The following GGA3 variants were observed in gnomAD, a reference collection of about 807,000 sequenced individuals.
The protein encoded by GGA3 is golgi associated, gamma adaptin ear containing, ARF binding protein 3, also known as ADP-ribosylation factor-binding protein GGA3.
Under a neutral mutation model 77.5 loss-of-function variants are expected in GGA3, and 57 were observed. That is an observed-to-expected ratio of 0.74 (90% CI 0.59 to 0.92). The LOEUF (loss-of-function observed/expected upper bound fraction) is 0.92, where lower values mean the gene tolerates loss of function less well. Ranked by LOEUF, GGA3 falls within the 40% of genes least tolerant of loss-of-function variation. GGA3 has a pLI of 0.00. For missense variants in GGA3, 970 were observed against 914.9 expected, an observed-to-expected ratio of 1.06 and a Z score of -0.78; for synonymous variants, 416 against 383.7, an observed-to-expected ratio of 1.08 and a Z score of -0.98.
rs201115516 is a variant in GGA3 at position 75,242,349 on chromosome 17, C to T, written c.734G>A (p.Arg245Lys). 7.1e-5 allele frequency: 114 copies of T among 1,614,120 alleles called. No homozygotes were observed. Among genetic ancestry groups the T allele is most frequent in the Middle Eastern group, 1.6e-4 (1 of 6,082 alleles). Residue 245 changes from arginine to lysine, a missense_variant, in exon 8 of 17, where the codon AGA (arginine) becomes AAA (lysine). By Grantham distance (26) the Arg-to-Lys change is conservative (BLOSUM62 2). Coordinates refer to ENST00000537686, the MANE Select transcript of GGA3 (RefSeq NM_138619.4). ...CGGCGGTCCCACCTTCATCAGCTCT[C>T]TGTCCCCGTCCGAAGAGTCCTCCTG... is the stretch of plus-strand genomic sequence containing the variant. ...YSQEDSSDGD[R>K]ELMKELFDQC...
chr17:75,241,603 T>C lies in GGA3; in HGVS notation c.829+12A>G. 6 of 1,613,298 alleles carry C rather than the reference T, an allele frequency of 3.7e-6. No individual in the cohort carries two copies. Among genetic ancestry groups the C allele is most frequent in the Non-Finnish European group, 4.2e-6 (5 of 1,179,232 alleles). Reference sequence around the variant, plus strand: ...TGCCTGGCTTATCCCTGACCGTCGCTCTTTCACTCACCCAAACTGTTATCA... The same window carrying C: ...TGCCTGGCTTATCCCTGACCGTCGCCCTTTCACTCACCCAAACTGTTATCA... On this transcript the variant is annotated intron_variant, in intron 9 of 16. Transcript: ENST00000537686.
chr17:75,246,386 G>T, intron 3 of GGA3, 123 bp downstream of exon 3: 1 of 684,096 alleles, frequency 1.5e-6, no homozygotes, highest in Non-Finnish European at 2.7e-6. Context: ...GATCTATCTA[G>T]TCTGTATCAA....
chr17:75,255,888 AC>A (rs2077134870), intron 1 of GGA3, among the ~76,000 whole-genome samples: 1 of 152,110 alleles, frequency 6.6e-6, no homozygotes, highest in South Asian at 2.1e-4. Context: ...ACTTGGACTG[AC>A]CCTGACATCC....
chr17:75,252,894 T>C (rs899321914), intron 1 of GGA3, among the ~76,000 whole-genome samples: 40 of 152,184 alleles, frequency 2.6e-4, no homozygotes, highest in Admixed American at 1.3e-4. Flanking sequence ...GCTCTTAACT[T>C]CACCGCCTAT....
At position 75,242,438 on chromosome 17, in the gene GGA3, C is replaced by A. The variant is rs1166034415; in HGVS notation, c.645G>T (p.Leu215=). 1.9e-6 allele frequency: 3 copies of A among 1,614,130 alleles called. No individual in the cohort carries two copies. The East Asian group carries it at 6.7e-5, about 36-fold the overall frequency. ...EARIQKVTKR[L]HTLEEVNNNV... ...TGTTGTTAACTTCCTCTAACGTGTG[C>A]AGACGCTTGGTCACCTTCTGGATCC... The change falls in exon 8 of 17, where the codon CTG becomes CTT. Residue 215 remains leucine (L), a synonymous_variant. Transcript: ENST00000537686.
intron 1 of GGA3, among the ~76,000 whole-genome samples, chr17:75,254,579 T>A (rs1284763237): frequency 6.6e-6 from 1 of 152,158 alleles, no homozygotes; most frequent in Non-Finnish European, 1.5e-5. Flanking sequence ...AATATACGTT[T>A]TATTACCCAA....
chr17:75,244,481 G>A, intron 4 of GGA3, 138 bp downstream of exon 4: 2 of 697,024 alleles, frequency 2.9e-6, no homozygotes, highest in South Asian at 3.3e-5. Flanking sequence ...TACCTCCAGG[G>A]CCTAGCTCTC....
At chr17:75,255,952 C>T (rs2077137703) in intron 1 of GGA3, among the ~76,000 whole-genome samples, 1 of 151,706 alleles carries the variant, frequency 6.6e-6, no homozygotes, top group South Asian at 2.1e-4. Context: ...TCACAGACAG[C>T]CCCCATTACT....
upstream of GGA3, chr17:75,262,281 C>T (rs1567815205): frequency 1.5e-6 from 1 of 656,178 alleles, no homozygotes. Context: ...CCCATCCTTA[C>T]CGTTAGCACT....
upstream of GGA3, chr17:75,262,101 G>A: frequency 1.6e-6 from 2 of 1,240,180 alleles, no homozygotes; most frequent in Non-Finnish European, 2.3e-6. Context: ...CTGGATTCAA[G>A]CTTCTAAGTT....
At chr17:75,243,191 G>A in intron 5 of GGA3, 25 bp from the exon 6 acceptor site, 1 of 1,530,060 alleles carries the variant, frequency 6.5e-7, no homozygotes, top group Non-Finnish European at 9.0e-7. Flanking sequence ...GGCAGCACGT[G>A]CACTCAGGCT....
Position 75,257,289 on chromosome 17 carries a change from C to A in GGA3, c.40+4259G>T, listed in dbSNP as rs1189755246. Among the ~76,000 whole-genome samples, 8 of 13,762 alleles carry A rather than the reference C, an allele frequency of 5.8e-4. No homozygotes were observed. In the Non-Finnish European group the frequency reaches 6.8e-3, roughly 12 times the overall value. The allele number at this position is 13,762 out of a possible 152,430, so 9.0% of individuals were successfully genotyped here. A position where few individuals can be genotyped will look rare whatever the true frequency, so the allele number is the denominator to read the frequency against. On this transcript the variant is annotated intron_variant, in intron 1 of 16. Transcript: ENST00000537686. ...CCAACTTAGACTGTGCCCCCCCCCC[C>A]AAAAAAAACCTGTCATCATCCCTAC...
At position 75,242,456 on chromosome 17, in the gene GGA3, C is replaced by T. The variant is rs1280610232; in HGVS notation, c.627G>A (p.Gln209=). The T allele has an allele frequency of 1.2e-6, 2 of 1,614,194 alleles. No homozygotes were observed. The highest frequency in any genetic ancestry group is 3.3e-5 in the Admixed American group (2 of 60,026). ...ACGTGTGCAGACGCTTGGTCACCTT[C>T]TGGATCCGTGCCTCGTCCTGCCCCA... ...SMVKEDEARI[Q]KVTKRLHTLE... is the part of the protein sequence containing the mutation. The change falls in exon 8 of 17, where the codon CAG becomes CAA. Residue 209 remains glutamine (Q), a synonymous_variant. Coordinates refer to ENST00000537686, the MANE Select transcript of GGA3 (RefSeq NM_138619.4).
rs1300402494 is a variant in GGA3 at position 75,237,562 on chromosome 17, A to G, written c.*717T>C. 1 of 1,535,696 alleles carries G rather than the reference A, an allele frequency of 6.5e-7. No individual in the cohort carries two copies. Among genetic ancestry groups the G allele is most frequent in the East Asian group, 2.4e-5 (1 of 40,900 alleles). ...AGAAGGGGAAATACTGGCTCTCTTC[A>G]TTTTCCTTCCTATCCCTAGTTGGGC... On this transcript the variant is annotated 3_prime_UTR_variant, in exon 17 of 17. Coordinates refer to ENST00000537686, the MANE Select transcript of GGA3 (RefSeq NM_138619.4).
At chr17:75,246,818 GGACAAGTGTT>G (rs2076774644) in intron 1 of GGA3, 22 bp from the exon 2 acceptor site, 1 of 1,583,880 alleles carries the variant, frequency 6.3e-7, no homozygotes, top group Non-Finnish European at 8.6e-7. Context: ...ACAAAGAAGA[GGACAAGTGTT>G]AGGAAGAGCA....
At chr17:75,244,840 C>G (rs373096101) in intron 3 of GGA3, 123 bp from the exon 4 acceptor site, 3 of 701,220 alleles carry the variant, frequency 4.3e-6, no homozygotes, top group Middle Eastern at 3.5e-4. Context: ...GAGCTCATCA[C>G]GAAAAGCAGT....
chr17:75,242,428 C>G lies in GGA3; in HGVS notation c.655G>C (p.Glu219Gln), dbSNP rs78338345. Residue 219 changes from glutamate (E) to glutamine (Q), a missense_variant, in exon 8 of 17, where the codon GAG becomes CAG. Glu to Gln is a conservative substitution (Grantham distance 29, BLOSUM62 2). Coordinates refer to ENST00000537686, the MANE Select transcript of GGA3 (RefSeq NM_138619.4). The stretch of plus-strand genomic sequence containing the variant: ...AGTCTCACGTTGTTGTTAACTTCCT[C>G]TAACGTGTGCAGACGCTTGGTCACC... ...QKVTKRLHTL[E>Q]EVNNNVRLLS... 5,481 of 1,614,154 alleles carry G rather than the reference C, an allele frequency of 3.4e-3. 288 individuals carry two copies. In the East Asian group the frequency reaches 0.11, roughly 31 times the overall value.
intron 14 of GGA3, 53 bp from the exon 15 acceptor site, chr17:75,239,136 G>C: frequency 6.5e-7 from 1 of 1,536,226 alleles, no homozygotes; most frequent in Non-Finnish European, 8.9e-7. Context: ...ACACCCAACA[G>C]AGCCCCGGCG....
chr17:75,246,787 G>C lies in GGA3; in HGVS notation c.50C>G (p.Thr17Ser), dbSNP rs746300739. ...ESLESWLNKA[T>S]NPSNRQEDWE... Reference sequence around the variant, plus strand: ...GTCCTCCTGGCGGTTGGAAGGATTGGTGGCTTTATCTTGCAACACAACAAA... The same window carrying C: ...GTCCTCCTGGCGGTTGGAAGGATTGCTGGCTTTATCTTGCAACACAACAAA... The change falls in exon 2 of 17, where the codon ACC becomes AGC. Residue 17 changes from threonine to serine, a missense_variant. Coordinates refer to ENST00000537686, the MANE Select transcript of GGA3 (RefSeq NM_138619.4). 7 of 1,611,860 alleles carry C rather than the reference G, an allele frequency of 4.3e-6. No homozygotes were observed. Among genetic ancestry groups the C allele is most frequent in the Non-Finnish European group, 5.9e-6 (7 of 1,179,624 alleles).
Sources: gnomAD v4.1 joint callset for allele counts (sites outside exome capture counted in the v4.1 genomes callset) on GRCh38, gnomAD v4.1.1 for gene constraint, MANE v1.5 for transcripts, NCBI Gene and HGNC (gene_info 2026-07-23, HGNC 2026-07-21) for gene names.